The following USP12 variants were observed in gnomAD, a reference collection of about 807,000 sequenced individuals.
The protein encoded by USP12 is ubiquitin specific peptidase 12, also known as ubiquitin carboxyl-terminal hydrolase 12.
USP12 carries 19 observed loss-of-function variants against 45.5 expected under a neutral mutation model. The observed-to-expected ratio is 0.42, with a 90% confidence interval of 0.29 to 0.61. USP12 has a LOEUF of 0.61. Ranked by LOEUF, USP12 falls within the 20% of genes least tolerant of loss-of-function variation. The pLI, the probability that USP12 is intolerant of heterozygous loss-of-function variation, is 0.22. For synonymous variants in USP12, 149 were observed against 148.8 expected, an observed-to-expected ratio of 1.00 and a Z score of -0.01; for missense variants, 242 against 447.7, an observed-to-expected ratio of 0.54 and a Z score of 4.15.
At chr13:27,156,326 A>C (rs1877842142) in intron 1 of USP12, among the ~76,000 whole-genome samples, 1 of 152,210 alleles carries the variant, frequency 6.6e-6, no homozygotes, top group Admixed American at 6.5e-5. Context: ...AGGGGATGCA[A>C]TCAGCAAAGT....
At chr13:27,141,363 C>G (rs771772168) in intron 1 of USP12, among the ~76,000 whole-genome samples, 1 of 152,090 alleles carries the variant, frequency 6.6e-6, no homozygotes, top group Non-Finnish European at 1.5e-5. Flanking sequence ...CTAAAAGGAA[C>G]GTATGATTAA....
intron 4 of USP12, among the ~76,000 whole-genome samples, chr13:27,092,412 A>G (rs1447184531): frequency 6.6e-6 from 1 of 152,216 alleles, no homozygotes. Flanking sequence ...AATAGCCAAC[A>G]AAATATTGAA....
intron 1 of USP12, among the ~76,000 whole-genome samples, chr13:27,156,089 C>G (rs1338039665): frequency 6.6e-6 from 1 of 152,094 alleles, no homozygotes; most frequent in African/African-American, 2.4e-5. Flanking sequence ...CTGCCAGCAG[C>G]TCCGTAACAG....
intron 1 of USP12, among the ~76,000 whole-genome samples, chr13:27,141,385 C>A (rs987830821): frequency 2.7e-4 from 41 of 152,150 alleles, no homozygotes; most frequent in African/African-American, 9.9e-4. Context: ...AACCATGACA[C>A]CTCTGTAGTA....
intron 1 of USP12, among the ~76,000 whole-genome samples, chr13:27,138,373 AG>A (rs1876904377): frequency 6.6e-6 from 1 of 152,242 alleles, no homozygotes; most frequent in South Asian, 2.1e-4. Flanking sequence ...TGAAAATTCC[AG>A]GAAAGGCTCA....
chr13:27,137,838 TC>T (rs1454271717), intron 1 of USP12, among the ~76,000 whole-genome samples: 1 of 152,220 alleles, frequency 6.6e-6, no homozygotes, highest in African/African-American at 2.4e-5. Context: ...GCAGACTTGC[TC>T]CCTGACTCCC....
intron 6 of USP12, chr13:27,089,459 T>C (rs1874213550): frequency 6.4e-6 from 1 of 155,758 alleles, no homozygotes; most frequent in Non-Finnish European, 1.4e-5. Context: ...ATTCCATTTA[T>C]TGATACCAAA....
intron 8 of USP12, among the ~76,000 whole-genome samples, chr13:27,070,191 A>C (rs919527296): frequency 1.3e-5 from 2 of 152,232 alleles, no homozygotes; most frequent in Non-Finnish European, 2.9e-5. Flanking sequence ...TGAGTGAATA[A>C]AGTCTGACAC....
Position 27,171,648 on chromosome 13 carries a change from C to T in USP12, c.-9G>A. The T allele has an allele frequency of 2.3e-6, 3 of 1,288,882 alleles. No individual in the cohort carries two copies. Among genetic ancestry groups the T allele is most frequent in the African/African-American group, 1.6e-5 (1 of 63,104 alleles). The allele number at this position is 1,288,882 out of a possible 1,614,324, so 79.8% of individuals were successfully genotyped here. ...GTCATTAGGATTTCCATCCGGCCAG[C>T]GCCATCTTCCACCCAATCACAGCGG... On this transcript the variant is annotated 5_prime_UTR_variant, in exon 1 of 9. Coordinates refer to ENST00000282344, the MANE Select transcript of USP12 (RefSeq NM_182488.4).
At chr13:27,123,929 CA>C (rs1876110482) in intron 1 of USP12, among the ~76,000 whole-genome samples, 2 of 152,166 alleles carry the variant, frequency 1.3e-5, no homozygotes, top group African/African-American at 4.8e-5. Context: ...GTCCTTTTCA[CA>C]CCCAGAAATC....
At chr13:27,123,981 T>C (rs558065033) in intron 1 of USP12, among the ~76,000 whole-genome samples, 8 of 152,200 alleles carry the variant, frequency 5.3e-5, no homozygotes, top group African/African-American at 9.6e-5. Flanking sequence ...ATTACAAAGA[T>C]ACCTTTGACC....
At chr13:27,097,046 AG>A (rs1874612513) in intron 3 of USP12, among the ~76,000 whole-genome samples, 1 of 152,122 alleles carries the variant, frequency 6.6e-6, no homozygotes, top group African/African-American at 2.4e-5. Flanking sequence ...AACATATAAA[AG>A]CAAATCTCAT....
chr13:27,111,404 AC>A (rs1260480986), intron 2 of USP12, among the ~76,000 whole-genome samples: 2 of 152,210 alleles, frequency 1.3e-5, no homozygotes, highest in Non-Finnish European at 2.9e-5. Flanking sequence ...AAACAAAAAA[AC>A]ATTGCTTTAG....
At chr13:27,095,544 C>T in intron 4 of USP12, 57 bp downstream of exon 4, 2 of 1,247,068 alleles carry the variant, frequency 1.6e-6, no homozygotes, top group Non-Finnish European at 2.2e-6. Flanking sequence ...TCTCAAAGAA[C>T]AACCTTTAAC....
At chr13:27,146,300 A>G (rs7338343) in intron 1 of USP12, among the ~76,000 whole-genome samples, 83,256 of 151,826 alleles carry the variant, frequency 0.55, 23,811 homozygotes, top group East Asian at 0.82. Context: ...TACTCGGGAG[A>G]CTGAGGCAGG....
chr13:27,163,688 A>C (rs1221226860), intron 1 of USP12, among the ~76,000 whole-genome samples: 1 of 149,494 alleles, frequency 6.7e-6, no homozygotes, highest in Non-Finnish European at 1.5e-5. Flanking sequence ...CACACCTGTC[A>C]TCCCAGCACC....
intron 6 of USP12, among the ~76,000 whole-genome samples, chr13:27,086,193 A>ATATATTTATATATATATAT (rs1333218859): frequency 1.5e-5 from 1 of 66,944 alleles, no homozygotes; most frequent in Non-Finnish European, 2.9e-5. Context: ...AAAAAAAAAA[A>ATATATTTATATATATATAT]AAAAATATAT....
intron 6 of USP12, among the ~76,000 whole-genome samples, chr13:27,084,488 C>G: frequency 9.2e-6 from 1 of 108,824 alleles, no homozygotes; most frequent in East Asian, 2.7e-4. Flanking sequence ...CCTGGAGAGA[C>G]AGTGAGATGA....
At position 27,113,499 on chromosome 13, in the gene USP12, C is replaced by A. The variant is rs1593191341; in HGVS notation, c.129+3017G>T. ...TTGTATTTCCACATCCCCCTACCCA[C>A]CACGCTTCTTACTCCAGCAGAGTAG... On this transcript the variant is annotated intron_variant, in intron 2 of 8. Coordinates refer to ENST00000282344, the MANE Select transcript of USP12 (RefSeq NM_182488.4). Among the ~76,000 whole-genome samples, 3 of 152,244 alleles carry A rather than the reference C, an allele frequency of 2.0e-5. No individual in the cohort carries two copies. The South Asian group carries it at 6.2e-4, about 32-fold the overall frequency.
Sources: gnomAD v4.1 joint callset for allele counts (sites outside exome capture counted in the v4.1 genomes callset) on GRCh38, gnomAD v4.1.1 for gene constraint, MANE v1.5 for transcripts, NCBI Gene and HGNC (gene_info 2026-07-23, HGNC 2026-07-21) for gene names.